The following KIAA1210 variants were observed in gnomAD, a reference collection of about 807,000 sequenced individuals.
The protein encoded by KIAA1210 is KIAA1210.
Under a neutral mutation model 78.9 loss-of-function variants are expected in KIAA1210, and 48 were observed. The ratio of observed to expected loss-of-function variants is 0.61; its 90% CI spans 0.48 to 0.77. The LOEUF is 0.77. KIAA1210 is among the 30% of genes least tolerant of loss of function. The pLI is 0.00. For missense variants in KIAA1210, 1,108 were observed against 1,100.0 expected (o/e 1.01, Z -0.10); for synonymous variants, 406 against 404.5 (o/e 1.00, Z -0.04).
Position 119,081,279 on chromosome X carries a change from A to T in KIAA1210, c.*50T>A, listed in dbSNP as rs749921112. On this transcript the variant is annotated 3_prime_UTR_variant, in exon 12 of 12. Transcript: ENST00000691062. ...GAGACTCTGTCTCAAAAAAAAAAAA[A>T]AAAAAAAAAACTAAATAAAATAAAT... The T allele has an allele frequency of 1.0e-6, 1 of 978,719 alleles. No individual in the cohort carries two copies. The highest frequency in any genetic ancestry group is 2.0e-5 in the African/African-American group (1 of 49,473). The allele number at this position is 978,719 out of a possible 1,213,427, so 80.7% of individuals were successfully genotyped here. A position where few individuals can be genotyped will look rare whatever the true frequency, so the allele number is the denominator to read the frequency against.
chrX:119,082,624 A>G (rs757144013), intron 11 of KIAA1210, among the ~76,000 whole-genome samples: 1 of 112,528 alleles, frequency 8.9e-6, no homozygotes, highest in Admixed American at 9.4e-5. Flanking sequence ...TTGGGCCTTT[A>G]GAGTGAATTA....
chrX:119,081,653 G>T, intron 11 of KIAA1210, 149 bp from the exon 12 acceptor site: 1 of 548,295 alleles, frequency 1.8e-6, no homozygotes, highest in Non-Finnish European at 2.8e-6. Context: ...TCCCTTTGGT[G>T]CCAGACTTCT....
rs1461992865 is a variant in KIAA1210, at chrX:119,105,122, A to G, written c.518T>C (p.Leu173Pro). The G allele has an allele frequency of 1.7e-6, 2 of 1,206,150 alleles. No individual in the cohort carries two copies. ...TENPPSRRRRLSIIPPVIQPE... is the reference protein window; with the variant it reads ...TENPPSRRRRPSIIPPVIQPE... ...TTGGATAACAGGTGGGATGATGCTG[A>G]GTCGGCGTCGGCGCGATGGTGGGTT... Residue 173 changes from leucine (L) to proline (P), a missense_variant, in exon 6 of 12, where the codon CTC (leucine) becomes CCC (proline). By Grantham distance (98) the Leu-to-Pro change is moderately conservative. This residue lies in a region of KIAA1210 where 672 missense variants were observed against 607.1 expected (regional missense o/e 1.11). Coordinates refer to ENST00000691062, the MANE Select transcript of KIAA1210 (RefSeq NM_001394962.1).
chrX:119,089,716 G>A lies in KIAA1210; in HGVS notation c.986C>T (p.Thr329Ile). Reference protein sequence around the residue: ...DSSSQKQNNKTEMYDKKTTDQ... With the variant: ...DSSSQKQNNKIEMYDKKTTDQ... The stretch of plus-strand genomic sequence containing the variant: ...TGTTGTCTTCTTATCATACATCTCA[G>A]TTTTGTTGTTCTGTTTCTGGCTTGA... Residue 329 changes from threonine to isoleucine, a missense_variant, in exon 9 of 12, where the codon ACT becomes ATT. Physicochemically the swap from Thr to Ile is moderately conservative, Grantham distance 89. Coordinates refer to ENST00000691062, the MANE Select transcript of KIAA1210 (RefSeq NM_001394962.1). 8.3e-7 allele frequency: 1 copy of A among 1,206,950 alleles called. No individual in the cohort carries two copies. Among genetic ancestry groups the A allele is most frequent in the East Asian group, 3.0e-5 (1 of 33,816 alleles).
chrX:119,132,129 A>T (rs556955357), upstream of KIAA1210, among the ~76,000 whole-genome samples: 1 of 111,401 alleles, frequency 9.0e-6, no homozygotes, highest in Non-Finnish European at 1.9e-5. Flanking sequence ...TTCTGCCAAC[A>T]ACCATTCAGT....
chrX:119,118,898 G>A (rs762163084), intron 2 of KIAA1210, among the ~76,000 whole-genome samples: 3 of 112,250 alleles, frequency 2.7e-5, no homozygotes, highest in East Asian at 5.6e-4. Context: ...CTTAGCTACC[G>A]CCCCTACATC....
chrX:119,134,616 C>T (rs1928870875), intron 2 of KIAA1210, among the ~76,000 whole-genome samples: 1 of 112,027 alleles, frequency 8.9e-6, no homozygotes. Flanking sequence ...GCCTCAGATA[C>T]TTGCTGCAGG....
chrX:119,096,643 C>A lies in KIAA1210; in HGVS notation c.697G>T (p.Ala233Ser). 2.5e-6 allele frequency: 3 copies of A among 1,209,462 alleles called. No individual in the cohort carries two copies. The highest frequency in any genetic ancestry group is 3.5e-5 in the South Asian group (2 of 56,439). ...CTGGTAGAGGCAAGTGTGGCAAATG[C>A]AGTCAAGGACTGTGAGCAATCAGGT... ...SGPDCSQSLT[A>S]FATLASTSST... The change falls in exon 7 of 12, where the codon GCA (alanine) becomes TCA (serine). Residue 233 changes from alanine to serine, a missense_variant. Coordinates refer to ENST00000691062, the MANE Select transcript of KIAA1210 (RefSeq NM_001394962.1).
chrX:119,095,386 A>G (rs921697866), intron 7 of KIAA1210, among the ~76,000 whole-genome samples: 1 of 111,519 alleles, frequency 9.0e-6, no homozygotes, highest in Non-Finnish European at 1.9e-5. Flanking sequence ...ACTAAACACT[A>G]ACATTTTTTA....
At chrX:119,141,580 T>C (rs1340931284) in intron 2 of KIAA1210, among the ~76,000 whole-genome samples, 1 of 112,644 alleles carries the variant, frequency 8.9e-6, no homozygotes, top group Non-Finnish European at 1.9e-5. Context: ...TCAAATTAGA[T>C]GGGTAAAATA....
At chrX:119,135,820 G>T (rs780428762) in intron 2 of KIAA1210, among the ~76,000 whole-genome samples, 1 of 111,932 alleles carries the variant, frequency 8.9e-6, no homozygotes, top group East Asian at 2.8e-4. Context: ...TTGGGAGGCC[G>T]AGGCGGGCGG....
In KIAA1210 at chrX:119,125,925, C is replaced by G. The variant is rs1206155057; in HGVS notation, c.-11+1802G>C. Among the ~76,000 whole-genome samples, 4 of 95,153 alleles carry G rather than the reference C, an allele frequency of 4.2e-5. No homozygotes were observed. The South Asian group carries it at 1.6e-3, about 39-fold the overall frequency. The allele number at this position is 95,153 out of a possible 115,157, so 82.6% of individuals were successfully genotyped here. ...GGTGGGGGTGGGGTGGGAGGGAGATCTGAGGAGCACCACAACCCAGAGAAA... is the reference window on the plus strand; with the variant it reads ...GGTGGGGGTGGGGTGGGAGGGAGATGTGAGGAGCACCACAACCCAGAGAAA... On this transcript the variant is annotated intron_variant, in intron 1 of 11. Coordinates refer to ENST00000691062, the MANE Select transcript of KIAA1210 (RefSeq NM_001394962.1).
upstream of KIAA1210, among the ~76,000 whole-genome samples, chrX:119,132,230 A>G (rs189693262): frequency 0.018 from 1,974 of 112,478 alleles, 49 homozygotes; most frequent in African/African-American, 0.06. Flanking sequence ...AGCTAAGCCC[A>G]GTCTGGACTC....
At chrX:119,149,206 C>T (rs1458010047) in intron 1 of KIAA1210, among the ~76,000 whole-genome samples, 4 of 110,857 alleles carry the variant, frequency 3.6e-5, no homozygotes, top group Non-Finnish European at 7.6e-5. Context: ...CCAAGTGCTC[C>T]TACTCTCATT....
chrX:119,084,130 C>T (rs1396001609), intron 10 of KIAA1210, among the ~76,000 whole-genome samples: 3 of 110,463 alleles, frequency 2.7e-5, no homozygotes, highest in Non-Finnish European at 5.7e-5. Flanking sequence ...AACACCTCCT[C>T]GCACAGTCCT....
rs1279268166 is a variant in KIAA1210, at chrX:119,078,800, G to A, written c.*2529C>T. 2 of 112,499 alleles carry A rather than the reference G, an allele frequency of 1.8e-5. No homozygotes were observed. Among genetic ancestry groups the A allele is most frequent in the East Asian group, 5.6e-4 (2 of 3,603 alleles). The allele number at this position is 112,499 out of a possible 1,213,427, so 9.3% of individuals were successfully genotyped here. On this transcript the variant is annotated 3_prime_UTR_variant, in exon 12 of 12. Transcript: ENST00000691062. ...GTGGAAAAGAAATTGTTATTGGAGA[G>A]TTCTCAGAGTGAGAATAGCTGAATA...
intron 11 of KIAA1210, 140 bp downstream of exon 11, chrX:119,082,874 TG>T (rs1927008276): frequency 2.5e-6 from 1 of 397,615 alleles, no homozygotes; most frequent in Admixed American, 4.8e-5. Flanking sequence ...AGCTAATATT[TG>T]TATCTAATTA....
At chrX:119,095,597 A>G (rs1386302287) in intron 7 of KIAA1210, among the ~76,000 whole-genome samples, 4 of 111,455 alleles carry the variant, frequency 3.6e-5, no homozygotes, top group Non-Finnish European at 7.5e-5. Context: ...CATGTTGGTC[A>G]GGCTGGTCTC....
At chrX:119,140,531 TAAAAAAAA>T (rs5903548) in intron 2 of KIAA1210, among the ~76,000 whole-genome samples, 4 of 62,656 alleles carry the variant, frequency 6.4e-5, no homozygotes, top group Non-Finnish European at 1.1e-4. Context: ...GACTCTTTCT[TAAAAAAAA>T]AAAAAAAAAA....
Sources: allele counts gnomAD v4.1 joint callset (sites outside exome capture counted in the v4.1 genomes callset), GRCh38; gene constraint gnomAD v4.1.1; regional missense constraint gnomAD v4.1.1; transcripts MANE v1.5; gene names NCBI Gene and HGNC (gene_info 2026-07-23, HGNC 2026-07-21).